The following B4GALNT1 variants were observed in gnomAD, a reference collection of about 807,000 sequenced individuals.
B4GALNT1 encodes beta-1,4-N-acetyl-galactosaminyltransferase 1.
A neutral mutation model predicts 55.2 loss-of-function variants in B4GALNT1; 43 were observed. The observed-to-expected ratio is 0.78, with a 90% CI of 0.61 to 1.00. The LOEUF is 1.00. Ranked by LOEUF, B4GALNT1 falls within the 50% of genes least tolerant of loss-of-function variation. The probability of loss-of-function intolerance (pLI) is 0.00; values close to 1 mark genes in which losing one functional copy is unlikely to be tolerated. For synonymous variants in B4GALNT1, 305 were observed against 311.6 expected (o/e 0.98, Z 0.22); for missense variants, 664 against 729.7 (o/e 0.91, Z 1.04).
In B4GALNT1 at chr12:57,625,410, C is replaced by T. The variant is rs1884737476; in HGVS notation, c.*1334G>A. 2 of 1,614,080 alleles carry T rather than the reference C, an allele frequency of 1.2e-6. No homozygotes were observed. Among genetic ancestry groups the T allele is most frequent in the African/African-American group, 2.7e-5 (2 of 74,930 alleles). ...TAACCCCTTTGCCCCATCCCTGCAG[C>T]TGGCCAGCCGATGTCGAGATGCTAG... On this transcript the variant is annotated 3_prime_UTR_variant, in exon 11 of 11. Coordinates refer to ENST00000341156, the MANE Select transcript of B4GALNT1 (RefSeq NM_001478.5).
At position 57,625,851 on chromosome 12, in the gene B4GALNT1, A is replaced by C; in HGVS notation, c.*893T>G. The C allele has an allele frequency of 7.7e-7, 1 of 1,301,916 alleles. No homozygotes were observed. Among genetic ancestry groups the C allele is most frequent in the South Asian group, 2.0e-5 (1 of 49,982 alleles). The allele number at this position is 1,301,916 out of a possible 1,614,324, so 80.6% of individuals were successfully genotyped here. A position where few individuals can be genotyped will look rare whatever the true frequency, so the allele number is the denominator to read the frequency against. ...CGGAATGAATAGTAGATTGAAGACCAAATCAGGGAGCCCGGGCTGAGCTAT... is the reference window on the plus strand; with the variant it reads ...CGGAATGAATAGTAGATTGAAGACCCAATCAGGGAGCCCGGGCTGAGCTAT... On this transcript the variant is annotated 3_prime_UTR_variant, in exon 11 of 11. Transcript: ENST00000341156.
At position 57,628,153 on chromosome 12, in the gene B4GALNT1, A is replaced by T; in HGVS notation, c.1112T>A (p.Val371Glu). 6.2e-7 allele frequency: 1 copy of T among 1,614,158 alleles called. No homozygotes were observed. Among genetic ancestry groups the T allele is most frequent in the Non-Finnish European group, 8.5e-7 (1 of 1,180,028 alleles). ...CAGCGGCGTCCGCTCCAGCACGTCC[A>T]CAAGCCTCTCCAGCCGCGTCCGCGC... ...FTARTRLERL[V>E]DVLERTPLDL... The change falls in exon 9 of 11, where the codon GTG (valine) becomes GAG (glutamate). Residue 371 changes from valine to glutamate, a missense_variant. Coordinates refer to ENST00000341156, the MANE Select transcript of B4GALNT1 (RefSeq NM_001478.5).
Position 57,626,976 on chromosome 12 carries a change from G to T in B4GALNT1, c.1385-15C>A. The T allele has an allele frequency of 6.2e-7, 1 of 1,606,328 alleles. No homozygotes were observed. Among genetic ancestry groups the T allele is most frequent in the African/African-American group, 1.3e-5 (1 of 74,810 alleles). ...CAAGAAGAATTCTGGGGGTGGAGGG[G>T]AGTACACAGTGAGGGATCCTGAGGG... On this transcript the variant is annotated splice_polypyrimidine_tract_variant and intron_variant, in intron 10 of 10. Coordinates refer to ENST00000341156, the MANE Select transcript of B4GALNT1 (RefSeq NM_001478.5).
rs141063083 is a variant in B4GALNT1, at chr12:57,631,203, G to A, written c.380C>T (p.Ser127Leu). The change falls in exon 3 of 11, where the codon TCG (serine) becomes TTG (leucine). Residue 127 changes from serine (S) to leucine (L), a missense_variant. Transcript: ENST00000341156. ...TREQEFQAFL[S>L]RSQSPADQLL... ...TGCGCTTCTTTCAAGCTGGTACCTC[G>A]ACAGAAAGGCCTGGAACTCCTGCTC... is the stretch of plus-strand genomic sequence containing the variant. 2.3e-4 allele frequency: 369 copies of A among 1,614,124 alleles called. No homozygotes were observed. The highest frequency in any genetic ancestry group is 4.9e-4 in the Middle Eastern group (3 of 6,062).
intron 1 of B4GALNT1, 70 bp from the exon 2 acceptor site, chr12:57,632,203 C>T (rs1383166044): frequency 5.6e-6 from 8 of 1,420,558 alleles, no homozygotes; most frequent in South Asian, 1.2e-5. Context: ...GGCCCTTGGC[C>T]CCCGCGTCCT....
Position 57,630,495 on chromosome 12 carries a change from C to T in B4GALNT1, c.514G>A (p.Gly172Ser), listed in dbSNP as rs810205. 1.9e-5 allele frequency: 31 copies of T among 1,609,126 alleles called. No individual in the cohort carries two copies. The highest frequency in any genetic ancestry group is 2.5e-5 in the Non-Finnish European group (30 of 1,177,726). Residue 172 changes from glycine (G) to serine (S), a missense_variant, in exon 5 of 11, where the codon GGT (glycine) becomes AGT (serine). Transcript: ENST00000341156. ...VPGLSLQAASGQEVYQVNLTA... is the reference protein window; with the variant it reads ...VPGLSLQAASSQEVYQVNLTA... ...TCTCTCACCTGGTATACCTCCTGAC[C>T]AGAAGCTGCCTGAAGGCTCAGCCCT...
intron 1 of B4GALNT1, 94 bp downstream of exon 1, chr12:57,632,678 G>A (rs1885305362): frequency 5.4e-6 from 1 of 184,538 alleles, no homozygotes; most frequent in Non-Finnish European, 1.1e-5. Flanking sequence ...GGGGGACAGA[G>A]TGGACCGGGA....
intron 6 of B4GALNT1, chr12:57,629,786 CT>C: frequency 7.0e-7 from 1 of 1,438,024 alleles, no homozygotes; most frequent in Non-Finnish European, 9.1e-7. Flanking sequence ...GCTTTTAGGC[CT>C]CTTTTGCTGG....
chr12:57,632,424 G>T (rs1885287675), intron 1 of B4GALNT1: 1 of 524,078 alleles, frequency 1.9e-6, no homozygotes, highest in Non-Finnish European at 3.5e-6. Context: ...TGGATGCCGC[G>T]GTTTCGACGC....
chr12:57,632,613 G>A, intron 1 of B4GALNT1, 159 bp downstream of exon 1: 1 of 175,046 alleles, frequency 5.7e-6, no homozygotes, highest in Non-Finnish European at 1.2e-5. Flanking sequence ...TCATGCCCGT[G>A]CTGGCGGGCG....
Position 57,631,104 on chromosome 12 carries a change from A to C in B4GALNT1, c.384-18T>G. 1.2e-6 allele frequency: 2 copies of C among 1,609,840 alleles called. No homozygotes were observed. The highest frequency in any genetic ancestry group is 1.7e-6 in the Non-Finnish European group (2 of 1,177,968). On this transcript the variant is annotated intron_variant, in intron 3 of 10. Transcript: ENST00000341156. ...ACTGGCTCCTGGCAGTGGAGGAAGGAGAGGACAGAGCAGAGTCGGGGGGAG... is the reference window on the plus strand; with the variant it reads ...ACTGGCTCCTGGCAGTGGAGGAAGGCGAGGACAGAGCAGAGTCGGGGGGAG...
At chr12:57,629,860 T>C in intron 6 of B4GALNT1, 1 of 1,508,150 alleles carries the variant, frequency 6.6e-7, no homozygotes, top group Non-Finnish European at 8.8e-7. Context: ...GGGTTGGGAA[T>C]ATAGTCTTCT....
In B4GALNT1 at chr12:57,628,193, C is replaced by T. The variant is rs1202473168; in HGVS notation, c.1072G>A (p.Asp358Asn). Residue 358 changes from aspartate (D) to asparagine (N), a missense_variant, in exon 9 of 11, where the codon GAC (aspartate) becomes AAC (asparagine). By Grantham distance (23) the Asp-to-Asn change is conservative (BLOSUM62 1). Transcript: ENST00000341156. ...TTKYVLWVDD[D>N]FVFTARTRLE... ...CGCGTCCGCGCCGTGAAGACGAAGT[C>T]GTCGTCCACCCACAGCACGTACTTG... is the stretch of plus-strand genomic sequence containing the variant. 9 of 1,614,160 alleles carry T rather than the reference C, an allele frequency of 5.6e-6. No homozygotes were observed. The highest frequency in any genetic ancestry group is 2.2e-5 in the South Asian group (2 of 91,090).
At chr12:57,631,145 C>T (rs919201730) in intron 3 of B4GALNT1, 55 bp downstream of exon 3, 10 of 1,611,280 alleles carry the variant, frequency 6.2e-6, no homozygotes, top group Admixed American at 1.7e-5. Context: ...CTCTCCCTCC[C>T]GGCACAATCA....
chr12:57,628,962 T>C, intron 7 of B4GALNT1, 59 bp from the exon 8 acceptor site: 2 of 1,602,624 alleles, frequency 1.2e-6, no homozygotes, highest in South Asian at 2.2e-5. Context: ...GGGGAACAGG[T>C]AGATATCCCC....
intron 6 of B4GALNT1, 134 bp from the exon 7 acceptor site, chr12:57,629,280 T>G: frequency 1.5e-6 from 1 of 652,626 alleles, no homozygotes; most frequent in South Asian, 3.5e-5. Flanking sequence ...GGTTCTTACC[T>G]TTATGGAACT....
chr12:57,627,595 G>T, intron 10 of B4GALNT1, 23 bp downstream of exon 10: 1 of 1,560,806 alleles, frequency 6.4e-7, no homozygotes, highest in South Asian at 1.2e-5. Flanking sequence ...TGCCAGGGTC[G>T]ACCGGGAGGG....
At chr12:57,628,059 C>T in intron 9 of B4GALNT1, 63 bp downstream of exon 9, 4 of 1,590,490 alleles carry the variant, frequency 2.5e-6, no homozygotes, top group Non-Finnish European at 3.4e-6. Flanking sequence ...GCAGCGCCCC[C>T]GCTGTGGCCT....
chr12:57,632,158 G>A, intron 1 of B4GALNT1, 25 bp from the exon 2 acceptor site: 1 of 1,513,776 alleles, frequency 6.6e-7, no homozygotes, highest in Non-Finnish European at 9.0e-7. Flanking sequence ...GGTGGGGAGT[G>A]AGAAAGGGAG....
Sources: allele counts gnomAD v4.1 joint callset, GRCh38; gene constraint gnomAD v4.1.1; transcripts MANE v1.5; gene names NCBI Gene and HGNC (gene_info 2026-07-23, HGNC 2026-07-21).